HDAC9: variants seen among roughly 807,000 people sequenced by gnomAD.
The protein encoded by HDAC9 is histone deacetylase 9.
Under a neutral mutation model 139.4 loss-of-function variants are expected in HDAC9, and 41 were observed. The observed-to-expected ratio is 0.29, with a 90% CI of 0.23 to 0.38. The LOEUF is 0.38. HDAC9 is among the 10% of genes least tolerant of loss of function. The probability of loss-of-function intolerance (pLI) is 1.00; values close to 1 mark genes in which losing one functional copy is unlikely to be tolerated. For missense variants in HDAC9, 1,147 were observed against 1,297.0 expected (o/e 0.88, Z 1.78); for synonymous variants, 517 against 476.2 (o/e 1.09, Z -1.12).
chr7:18,736,574 G>A (rs1353959225), intron 13 of HDAC9, among the ~76,000 whole-genome samples: 1 of 152,156 alleles, frequency 6.6e-6, no homozygotes, highest in Non-Finnish European at 1.5e-5. Flanking sequence ...TTGCATCCCA[G>A]CGATGAAGCT....
intron 24 of HDAC9, among the ~76,000 whole-genome samples, chr7:18,964,425 TG>T (rs1413718726): frequency 6.6e-6 from 1 of 152,162 alleles, no homozygotes; most frequent in Non-Finnish European, 1.5e-5. Flanking sequence ...CTGTGAGACA[TG>T]TACTCATAGA....
chr7:18,819,042 G>T (rs962269835), intron 17 of HDAC9, among the ~76,000 whole-genome samples: 1 of 152,084 alleles, frequency 6.6e-6, no homozygotes, highest in African/African-American at 2.4e-5. Context: ...CACTTTAGGA[G>T]ACTGAGGTGG....
At chr7:18,280,164 A>G (rs1203305912) in intron 2 of HDAC9, among the ~76,000 whole-genome samples, 2 of 152,158 alleles carry the variant, frequency 1.3e-5, no homozygotes, top group Admixed American at 1.3e-4. Flanking sequence ...TTAAAGAGGG[A>G]ATTTGGGCCA....
chr7:18,131,172 C>G (rs1226886741), intron 1 of HDAC9, among the ~76,000 whole-genome samples: 1 of 152,138 alleles, frequency 6.6e-6, no homozygotes. Context: ...CGTCAGCATA[C>G]ATTTTGACAT....
chr7:18,765,685 A>G (rs973972609), intron 15 of HDAC9, among the ~76,000 whole-genome samples: 4 of 152,202 alleles, frequency 2.6e-5, no homozygotes, highest in East Asian at 1.9e-4. Flanking sequence ...ACTAAAATGT[A>G]CATATATATT....
chr7:18,989,672 C>T (rs1785697015), intron 25 of HDAC9, among the ~76,000 whole-genome samples: 1 of 150,412 alleles, frequency 6.6e-6, no homozygotes, highest in South Asian at 2.1e-4. Flanking sequence ...TCCATTCTCC[C>T]TGTCACTTTC....
intron 1 of HDAC9, among the ~76,000 whole-genome samples, chr7:18,349,714 A>T (rs1337289050): frequency 1.3e-5 from 2 of 152,154 alleles, no homozygotes; most frequent in Non-Finnish European, 2.9e-5. Context: ...GACAAAAAAA[A>T]AAATGTGGTG....
At chr7:18,976,853 T>G (rs78872508) in intron 25 of HDAC9, among the ~76,000 whole-genome samples, 15 of 152,064 alleles carry the variant, frequency 9.9e-5, no homozygotes, top group Admixed American at 4.6e-4. Flanking sequence ...AAATTGCTCC[T>G]GAGAAGGAAA....
intron 1 of HDAC9, among the ~76,000 whole-genome samples, chr7:18,430,928 C>A (rs116040387): frequency 0.01 from 1,550 of 152,122 alleles, 28 homozygotes; most frequent in African/African-American, 0.035. Context: ...AAACCTTACC[C>A]TATGTAACAC....
chr7:18,282,873 A>G (rs1286887011), intron 2 of HDAC9, among the ~76,000 whole-genome samples: 1 of 151,902 alleles, frequency 6.6e-6, no homozygotes, highest in Non-Finnish European at 1.5e-5. Context: ...GGACTGAAAG[A>G]CATGTTAGAA....
intron 2 of HDAC9, among the ~76,000 whole-genome samples, chr7:18,268,864 GA>G (rs1394949091): frequency 3.9e-5 from 6 of 152,126 alleles, no homozygotes; most frequent in Non-Finnish European, 5.9e-5. Flanking sequence ...TCTAGAGCTG[GA>G]CCATTTATTC....
chr7:18,860,818 T>C (rs1798047868), intron 21 of HDAC9, among the ~76,000 whole-genome samples: 1 of 152,128 alleles, frequency 6.6e-6, no homozygotes, highest in South Asian at 2.1e-4. Context: ...TATTGAGCAA[T>C]CACAGGCAAT....
At chr7:18,404,781 A>C in intron 1 of HDAC9, among the ~76,000 whole-genome samples, 1 of 152,228 alleles carries the variant, frequency 6.6e-6, no homozygotes, top group Middle Eastern at 3.2e-3. Context: ...CAAACTTCTA[A>C]ATACTTCTAA....
Position 18,369,816 on chromosome 7 carries a change from A to T in HDAC9, c.-42+79301A>T, listed in dbSNP as rs570546950. Among the ~76,000 whole-genome samples, 3 of 152,206 alleles carry T rather than the reference A, an allele frequency of 2.0e-5. No individual in the cohort carries two copies. The East Asian group carries it at 5.8e-4, about 29-fold the overall frequency. On this transcript the variant is annotated intron_variant, in intron 1 of 3. Transcript: ENST00000413509. ...TGCGCTCACTGTGTCTGTCCCTGCC[A>T]TCATCTCCAAATGGGATTGTTTGCA...
chr7:18,369,335 G>A (rs1784420082), intron 1 of HDAC9, among the ~76,000 whole-genome samples: 1 of 151,946 alleles, frequency 6.6e-6, no homozygotes, highest in African/African-American at 2.4e-5. Context: ...GAAATTAACT[G>A]TATCATTATT....
chr7:18,908,113 C>T (rs1802427809), intron 22 of HDAC9, among the ~76,000 whole-genome samples: 1 of 151,890 alleles, frequency 6.6e-6, no homozygotes, highest in Non-Finnish European at 1.5e-5. Context: ...TGAAATGTCT[C>T]AAATTATGCA....
At chr7:18,961,041 C>T (rs1783495313) in intron 24 of HDAC9, among the ~76,000 whole-genome samples, 2 of 152,162 alleles carry the variant, frequency 1.3e-5, no homozygotes, top group African/African-American at 4.8e-5. Flanking sequence ...AACTCAAACT[C>T]AGTTTTTCCT....
chr7:18,650,918 A>T lies in HDAC9; in HGVS notation c.1467+2235A>T, dbSNP rs117808335. ...TCCAAGGATGTATTCCATATGTTTCATCAAGTTGGCATATTCACGTTGGGT... is the reference window on the plus strand; with the variant it reads ...TCCAAGGATGTATTCCATATGTTTCTTCAAGTTGGCATATTCACGTTGGGT... On this transcript the variant is annotated intron_variant, in intron 11 of 25. Transcript: ENST00000686413. Among the ~76,000 whole-genome samples, 3 of 152,280 alleles carry T rather than the reference A, an allele frequency of 2.0e-5. No individual in the cohort carries two copies. In the East Asian group the frequency reaches 5.8e-4, roughly 29 times the overall value.
intron 6 of HDAC9, among the ~76,000 whole-genome samples, chr7:18,597,417 C>T (rs1468617723): frequency 3.3e-5 from 5 of 152,084 alleles, no homozygotes; most frequent in Non-Finnish European, 7.4e-5. Context: ...TTTTACTAAA[C>T]TTATACTTTG....
Sources: gnomAD v4.1 joint callset for allele counts (sites outside exome capture counted in the v4.1 genomes callset) on GRCh38, gnomAD v4.1.1 for gene constraint, MANE v1.5 for transcripts, NCBI Gene and HGNC (gene_info 2026-07-23, HGNC 2026-07-21) for gene names.